The following TRAK1 variants were observed in gnomAD, a reference collection of about 807,000 sequenced individuals.
The protein encoded by TRAK1 is trafficking kinesin-binding protein 1.
TRAK1 carries 33 observed loss-of-function variants against 92.1 expected under a neutral mutation model. The ratio of observed to expected loss-of-function variants is 0.36; its 90% CI spans 0.27 to 0.48. The LOEUF is 0.48. TRAK1 is among the 20% of genes least tolerant of loss of function. The probability of loss-of-function intolerance (pLI) is 0.99; values close to 1 mark genes in which losing one functional copy is unlikely to be tolerated. For synonymous variants in TRAK1, 521 were observed against 517.3 expected (o/e 1.01, Z -0.10); for missense variants, 1,123 against 1,257.9 (o/e 0.89, Z 1.62).
At chr3:42,131,605 TA>T (rs66850815) in intron 2 of TRAK1, among the ~76,000 whole-genome samples, 77,808 of 151,300 alleles carry the variant, frequency 0.51, 20,264 homozygotes, top group African/African-American at 0.58. Flanking sequence ...TAATCCCAGC[TA>T]ACTTGGGAGG....
intron 2 of TRAK1, among the ~76,000 whole-genome samples, chr3:42,144,831 A>AGGAT (rs1285868105): frequency 6.6e-6 from 1 of 152,242 alleles, no homozygotes; most frequent in East Asian, 1.9e-4. Context: ...AGAGATGGCT[A>AGGAT]GGATTTCAGT....
intron 4 of TRAK1, among the ~76,000 whole-genome samples, chr3:42,186,180 C>T (rs1340099025): frequency 6.6e-6 from 1 of 151,782 alleles, no homozygotes; most frequent in African/African-American, 2.4e-5. Context: ...AAGGGTTTCA[C>T]CATGTTGTCC....
chr3:42,026,489 T>C (rs940331252), intron 1 of TRAK1, among the ~76,000 whole-genome samples: 5 of 151,872 alleles, frequency 3.3e-5, no homozygotes, highest in African/African-American at 1.2e-4. Flanking sequence ...GCAGCTGTTA[T>C]CCTGGATCTC....
At chr3:42,143,489 T>C (rs1385750644) in intron 2 of TRAK1, among the ~76,000 whole-genome samples, 1 of 152,176 alleles carries the variant, frequency 6.6e-6, no homozygotes, top group Admixed American at 6.5e-5. Context: ...CCTTTCCTTG[T>C]CTCCACAATG....
rs376948915 is a variant in TRAK1, at chr3:42,215,473, C to G, written c.1964-4021C>G. 3.6e-3 allele frequency among the ~76,000 whole-genome samples: 548 copies of G among 150,482 alleles called. 2 individuals carry two copies. The highest frequency in any genetic ancestry group is 6.4e-3 in the Non-Finnish European group (437 of 67,812). On this transcript the variant is annotated intron_variant, in intron 14 of 15. Coordinates refer to ENST00000327628, the MANE Select transcript of TRAK1 (RefSeq NM_001042646.3). ...TAGATTTGTTTTTACTTGGATTGAA[C>G]AGGCTGGCCTGTGGGTGCCACTGTT...
chr3:42,096,584 T>A (rs1334289536), intron 1 of TRAK1, among the ~76,000 whole-genome samples: 1 of 152,208 alleles, frequency 6.6e-6, no homozygotes, highest in Non-Finnish European at 1.5e-5. Flanking sequence ...ATCAGTATAA[T>A]GCCTTACCGT....
chr3:42,061,805 C>T (rs1703455180), intron 1 of TRAK1, among the ~76,000 whole-genome samples: 1 of 152,172 alleles, frequency 6.6e-6, no homozygotes, highest in Non-Finnish European at 1.5e-5. Flanking sequence ...CATCCATCTA[C>T]CCATCTGCAT....
chr3:42,118,021 T>C (rs1305293986), intron 1 of TRAK1, among the ~76,000 whole-genome samples: 1 of 152,054 alleles, frequency 6.6e-6, no homozygotes, highest in Non-Finnish European at 1.5e-5. Context: ...GGTTTCACCA[T>C]GTTGGCCAAG....
At chr3:42,054,796 A>G (rs1398130590) in intron 1 of TRAK1, among the ~76,000 whole-genome samples, 3 of 151,812 alleles carry the variant, frequency 2.0e-5, no homozygotes, top group African/African-American at 7.3e-5. Context: ...TTACAAACTA[A>G]CCATTGCCAT....
At chr3:42,125,709 A>G in intron 2 of TRAK1, 95 bp downstream of exon 2, 1 of 1,392,968 alleles carries the variant, frequency 7.2e-7, no homozygotes, top group Non-Finnish European at 9.8e-7. Context: ...CTACCCTGTG[A>G]TGTGGCTTGC....
intron 1 of TRAK1, among the ~76,000 whole-genome samples, chr3:42,025,510 T>C (rs1701879002): frequency 6.6e-6 from 1 of 152,168 alleles, no homozygotes; most frequent in Non-Finnish European, 1.5e-5. Flanking sequence ...ATTTCTGGTA[T>C]TTGCCTTTCA....
intron 3 of TRAK1, among the ~76,000 whole-genome samples, chr3:42,177,673 C>T (rs1209047267): frequency 6.6e-6 from 1 of 152,156 alleles, no homozygotes; most frequent in Non-Finnish European, 1.5e-5. Context: ...CTGTTTTCAG[C>T]CAGTGGGAGG....
At chr3:42,038,110 C>A (rs1361463449) in intron 1 of TRAK1, among the ~76,000 whole-genome samples, 1 of 152,146 alleles carries the variant, frequency 6.6e-6, no homozygotes. Flanking sequence ...CAGCCACTTG[C>A]CTGATAGAGA....
intron 2 of TRAK1, among the ~76,000 whole-genome samples, chr3:42,152,438 T>G (rs1333453563): frequency 6.6e-6 from 1 of 152,232 alleles, no homozygotes; most frequent in African/African-American, 2.4e-5. Flanking sequence ...ATTGGATGCA[T>G]CCCATCTCTG....
chr3:42,181,140 C>G (rs894576307), intron 3 of TRAK1, among the ~76,000 whole-genome samples: 3 of 152,220 alleles, frequency 2.0e-5, no homozygotes, highest in African/African-American at 4.8e-5. Context: ...CGTTTGTGTG[C>G]TGGAAGCCTT....
At chr3:42,214,461 G>A (rs570727042) in intron 14 of TRAK1, among the ~76,000 whole-genome samples, 2 of 152,312 alleles carry the variant, frequency 1.3e-5, no homozygotes, top group Admixed American at 1.3e-4. Flanking sequence ...ACTACAAAGG[G>A]ATTTCTGCAT....
upstream of TRAK1, chr3:42,087,193 G>T (rs1704720453): frequency 6.5e-6 from 1 of 152,748 alleles, no homozygotes; most frequent in Admixed American, 6.5e-5. Flanking sequence ...GGCCCCCGAT[G>T]GCAGTGGGCA....
intron 1 of TRAK1, among the ~76,000 whole-genome samples, chr3:42,095,349 A>C (rs571330644): frequency 1.3e-5 from 2 of 152,238 alleles, no homozygotes; most frequent in Admixed American, 6.5e-5. Flanking sequence ...ACCCGGCAGC[A>C]TTGTTTTCTG....
chr3:42,176,912 A>G, intron 3 of TRAK1, 22 bp downstream of exon 3: 2 of 1,608,746 alleles, frequency 1.2e-6, no homozygotes, highest in Non-Finnish European at 1.7e-6. Flanking sequence ...AGGGGAAGGC[A>G]AAAGAGTTGT....
Sources: allele counts gnomAD v4.1 joint callset (sites outside exome capture counted in the v4.1 genomes callset), GRCh38; gene constraint gnomAD v4.1.1; transcripts MANE v1.5; gene names NCBI Gene and HGNC (gene_info 2026-07-23, HGNC 2026-07-21).